Variants in XCR1 observed in about 807,000 individuals in gnomAD.
XCR1 encodes the protein chemokine XC receptor 1.
For missense variants in XCR1, 356 were observed against 424.2 expected (o/e 0.84, Z 1.41); for synonymous variants, 187 against 188.5 (o/e 0.99, Z 0.06).
intron 1 of XCR1, chr3:46,023,560 A>G: frequency 1.3e-6 from 2 of 1,505,382 alleles, no homozygotes; most frequent in Non-Finnish European, 1.8e-6. Context: ...AGCCTAGCAG[A>G]ACACAGACAA....
At chr3:46,025,285 T>G (rs1235439018) in intron 1 of XCR1, among the ~76,000 whole-genome samples, 2 of 152,198 alleles carry the variant, frequency 1.3e-5, no homozygotes, top group Non-Finnish European at 2.9e-5. Flanking sequence ...ATGCCTATAA[T>G]TCCAATGCTT....
rs1698042682 is a variant in XCR1 at position 46,065,126 on chromosome 3, A to G, written c.-183+1773T>C. Among the ~76,000 whole-genome samples, 4 of 152,134 alleles carry G rather than the reference A, an allele frequency of 2.6e-5. No homozygotes were observed. In the South Asian group the frequency reaches 8.3e-4, roughly 32 times the overall value. On this transcript the variant is annotated intron_variant, in intron 4 of 5. Coordinates refer to the XCR1 transcript ENST00000683768. ...AAGAAATAAAAAAAAAGGAAAAAAA[A>G]ATAGAGTTACCCAGCCAAGCTCTAC...
At chr3:46,037,722 T>C (rs531756616) in intron 5 of XCR1, among the ~76,000 whole-genome samples, 17 of 152,272 alleles carry the variant, frequency 1.1e-4, no homozygotes, top group African/African-American at 4.1e-4. Context: ...TAGTTAAAGC[T>C]CTTAGTTTTG....
intron 4 of XCR1, among the ~76,000 whole-genome samples, chr3:46,054,505 G>T (rs1485507610): frequency 2.0e-5 from 3 of 151,920 alleles, no homozygotes; most frequent in Non-Finnish European, 4.4e-5. Flanking sequence ...GTACACAAGA[G>T]TGTAGAGTGT....
At chr3:46,023,662 T>A in intron 1 of XCR1, 1 of 1,418,800 alleles carries the variant, frequency 7.0e-7, no homozygotes, top group South Asian at 1.2e-5. Flanking sequence ...CAGCCCTTCT[T>A]CAGAGAAACG....
At chr3:46,033,971 G>GT (rs36062240) in intron 5 of XCR1, among the ~76,000 whole-genome samples, 33 of 149,638 alleles carry the variant, frequency 2.2e-4, no homozygotes, top group East Asian at 2.2e-3. Flanking sequence ...GTTCATTGCT[G>GT]TTTTTTTTTT....
intron 4 of XCR1, among the ~76,000 whole-genome samples, chr3:46,065,099 TAAAG>T (rs1443531922): frequency 2.7e-5 from 4 of 148,966 alleles, no homozygotes; most frequent in Non-Finnish European, 6.0e-5. Context: ...CTCAAAAAAA[TAAAG>T]AAATAAAAAA....
intron 4 of XCR1, among the ~76,000 whole-genome samples, chr3:46,059,075 T>C (rs1697912601): frequency 6.6e-6 from 1 of 152,132 alleles, no homozygotes; most frequent in Non-Finnish European, 1.5e-5. Flanking sequence ...CACTCCATCA[T>C]CAAATGGAAA....
rs1465833251 is a variant in XCR1, at chr3:46,018,559, C to T, written c.*2387G>A. ...CTCCCATCGGTGGTGAGTAGTGGCC[C>T]CACCTGTAGGCTGGCAGGTAGGTCC... On this transcript the variant is annotated 3_prime_UTR_variant, in exon 2 of 2. Coordinates refer to ENST00000309285, the MANE Select transcript of XCR1 (RefSeq NM_001024644.2). 6.6e-6 allele frequency: 1 copy of T among 152,186 alleles called. No homozygotes were observed. Among genetic ancestry groups the T allele is most frequent in the Non-Finnish European group, 1.5e-5 (1 of 68,072 alleles). The allele number at this position is 152,186 out of a possible 1,614,324, so 9.4% of individuals were successfully genotyped here.
At position 46,041,061 on chromosome 3, in the gene XCR1, C is replaced by T. The variant is rs554367603; in HGVS notation, c.-32+12859G>A. ...GAGCCATTTATAGCCTTTAAATATG[C>T]TTTGTATATTGAGCAGCGTATAGTT... is the stretch of plus-strand genomic sequence containing the variant. On this transcript the variant is annotated intron_variant, in intron 5 of 5. Transcript: ENST00000683768. 4.2e-4 allele frequency among the ~76,000 whole-genome samples: 64 copies of T among 151,930 alleles called. No individual in the cohort carries two copies. The South Asian group carries it at 4.8e-3, about 11-fold the overall frequency.
intron 1 of XCR1, among the ~76,000 whole-genome samples, chr3:46,083,232 C>A (rs1698410004): frequency 2.0e-5 from 3 of 152,200 alleles, no homozygotes; most frequent in Non-Finnish European, 2.9e-5. Context: ...ACCCATTGAT[C>A]CAGTAATGCC....
rs545108984 is a variant in XCR1, at chr3:46,056,668, G to A, written c.-182-2598C>T. On this transcript the variant is annotated intron_variant, in intron 4 of 5. Transcript: ENST00000683768. ...TTTGTATTTATTTATTTTTTTTTTTGTAGAGATGGGGTTTCGCCATCTTGC... is the reference window on the plus strand; with the variant it reads ...TTTGTATTTATTTATTTTTTTTTTTATAGAGATGGGGTTTCGCCATCTTGC... Among the ~76,000 whole-genome samples the A allele has an allele frequency of 1.0e-4, 15 of 148,178 alleles. No individual in the cohort carries two copies. The East Asian group carries it at 2.2e-3, about 21-fold the overall frequency.
chr3:46,047,058 G>T (rs1199436603), intron 5 of XCR1, among the ~76,000 whole-genome samples: 4 of 118,532 alleles, frequency 3.4e-5, no homozygotes, highest in Admixed American at 3.3e-4. Flanking sequence ...TTTCAACATT[G>T]CCACTTCAGT....
intron 2 of XCR1, among the ~76,000 whole-genome samples, chr3:46,076,064 C>T (rs1698254733): frequency 6.6e-6 from 1 of 152,170 alleles, no homozygotes; most frequent in Admixed American, 6.5e-5. Context: ...AAAGAGCCAA[C>T]AGGATAGATA....
chr3:46,054,964 G>A (rs1216026033), intron 4 of XCR1, among the ~76,000 whole-genome samples: 2 of 152,146 alleles, frequency 1.3e-5, no homozygotes, highest in African/African-American at 4.8e-5. Context: ...TAAGGAAATC[G>A]ATCACTGGTG....
rs536116287 is a variant in XCR1, at chr3:46,024,161, G to A, written c.-31-2183C>T. ...AAAGGATTTATGAATAATTAAAATGGAAGGCCACAGAAGAGGGGAGAAGAG... is the reference window on the plus strand; with the variant it reads ...AAAGGATTTATGAATAATTAAAATGAAAGGCCACAGAAGAGGGGAGAAGAG... On this transcript the variant is annotated intron_variant, in intron 1 of 1. Transcript: ENST00000309285. 8.4e-4 allele frequency: 485 copies of A among 578,840 alleles called. 2 individuals carry two copies. Among genetic ancestry groups the A allele is most frequent in the Non-Finnish European group, 1.3e-3 (407 of 321,086 alleles). The allele number at this position is 578,840 out of a possible 1,614,324, so 35.9% of individuals were successfully genotyped here.
At chr3:46,081,956 AT>A (rs1164989386) in intron 1 of XCR1, among the ~76,000 whole-genome samples, 4 of 151,986 alleles carry the variant, frequency 2.6e-5, no homozygotes, top group African/African-American at 7.2e-5. Flanking sequence ...ATATGTGGAG[AT>A]TTTGATTACT....
rs545856627 is a variant in XCR1 at position 46,021,315 on chromosome 3, G to C, written c.633C>G (p.Thr211=). Residue 211 remains threonine (T), a synonymous_variant, in exon 2 of 2, where the codon ACC becomes ACG. Coordinates refer to ENST00000309285, the MANE Select transcript of XCR1 (RefSeq NM_001024644.2). This position sits in a 1 kb window ranked among gnomAD's most constrained non-coding sequence, Gnocchi z 4.7. ...GCCGCTTGGAGCGTGAGCGGAACAG[G>C]GTCCTGAGGATCTCCACGTAGCAGA... The part of the protein sequence containing the change: ...ILFCYVEILR[T]LFRSRSKRRH... 7 of 1,614,222 alleles carry C rather than the reference G, an allele frequency of 4.3e-6. No homozygotes were observed. In the South Asian group the frequency reaches 7.7e-5, roughly 18 times the overall value.
chr3:46,033,254 C>T (rs1575415044), intron 5 of XCR1, among the ~76,000 whole-genome samples: 1 of 152,076 alleles, frequency 6.6e-6, no homozygotes, highest in Non-Finnish European at 1.5e-5. Context: ...AATAAAAACT[C>T]ATAAAAAATC....
Sources: gnomAD v4.1 joint callset for allele counts (sites outside exome capture counted in the v4.1 genomes callset) on GRCh38, gnomAD v4.1.1 for gene constraint, Gnocchi (gnomAD v3.1) non-coding constraint, MANE v1.5 for transcripts, NCBI Gene and HGNC (gene_info 2026-07-23, HGNC 2026-07-21) for gene names.